The following TMEM101 variants were observed in gnomAD, a reference collection of about 807,000 sequenced individuals.
TMEM101 encodes putative NF-kappa-B-activating protein 130.
Under a neutral mutation model 26.0 loss-of-function variants are expected in TMEM101, and 14 were observed. The observed-to-expected ratio is 0.54, with a 90% CI of 0.36 to 0.84. TMEM101 has a LOEUF of 0.84. Ranked by LOEUF, TMEM101 falls within the 40% of genes least tolerant of loss-of-function variation. The pLI, the probability that TMEM101 is intolerant of heterozygous loss-of-function variation, is 0.01. For synonymous variants in TMEM101, 152 were observed against 145.1 expected (o/e 1.05, Z -0.34); for missense variants, 292 against 345.1 (o/e 0.85, Z 1.22).
upstream of TMEM101, among the ~76,000 whole-genome samples, chr17:44,017,822 C>T (rs2049249384): frequency 6.6e-6 from 1 of 151,854 alleles, no homozygotes; most frequent in Non-Finnish European, 1.5e-5. Flanking sequence ...AACCCCTTTT[C>T]ACATTTCATT....
In TMEM101 at chr17:44,014,449, G is replaced by A; in HGVS notation, c.226C>T (p.Arg76Cys). Residue 76 changes from arginine (R) to cysteine (C), a missense_variant, in exon 2 of 4, where the codon CGC becomes TGC. By Grantham distance (180) the Arg-to-Cys change is radical. Coordinates refer to ENST00000206380, the MANE Select transcript of TMEM101 (RefSeq NM_032376.4). ...AGTGCGGCCCCCAGCGCGAACCAGCGCCGCTTCACGCCAAAGGACATGAAA... is the reference window on the plus strand; with the variant it reads ...AGTGCGGCCCCCAGCGCGAACCAGCACCGCTTCACGCCAAAGGACATGAAA... The part of the protein sequence containing the change: ...ASFMSFGVKR[R>C]WFALGAALQL... The A allele has an allele frequency of 6.4e-7, 1 of 1,558,996 alleles. No individual in the cohort carries two copies. The highest frequency in any genetic ancestry group is 8.7e-7 in the Non-Finnish European group (1 of 1,151,012).
In TMEM101 at chr17:44,013,039, C is replaced by T. The variant is rs770613297; in HGVS notation, c.435G>A (p.Gln145=). The change falls in exon 3 of 4, where the codon CAG becomes CAA. Residue 145 remains glutamine, a synonymous_variant. Transcript: ENST00000206380. ...AGATGAGGTAGATACCCAGGAACAC[C>T]TGGCCGGTGGACTGCAGGGAGCGGC... The part of the protein sequence containing the change: ...PRSRSLQSTG[Q]VFLGIYLICV... 6.2e-7 allele frequency: 1 copy of T among 1,607,168 alleles called. No individual in the cohort carries two copies. The highest frequency in any genetic ancestry group is 2.2e-5 in the East Asian group (1 of 44,730).
At position 44,013,027 on chromosome 17, in the gene TMEM101, AC is replaced by A; in HGVS notation, c.446del (p.Gly149ValfsTer22). ...SLQSTGQVFLGIYLICVAYSL... is the reference protein window; with the variant it reads ...SLQSTGQVFLXIYLICVAYSL... The stretch of plus-strand genomic sequence containing the variant: ...AACATACCACACAGATGAGGTAGAT[AC>A]CCAGGAACACCTGGCCGGTGGACTG... On this transcript the variant is annotated frameshift_variant, in exon 3 of 4. Coordinates refer to ENST00000206380, the MANE Select transcript of TMEM101 (RefSeq NM_032376.4). LOFTEE classifies it high-confidence loss of function. 2 of 1,604,696 alleles carry A rather than the reference AC, an allele frequency of 1.2e-6. No individual in the cohort carries two copies. Among genetic ancestry groups the A allele is most frequent in the Non-Finnish European group, 1.7e-6 (2 of 1,173,022 alleles).
upstream of TMEM101, among the ~76,000 whole-genome samples, chr17:44,016,112 TATAG>T (rs888562733): frequency 4.0e-5 from 6 of 150,832 alleles, no homozygotes; most frequent in East Asian, 1.9e-4. Context: ...GATAGATAGA[TATAG>T]ATACACACGC....
upstream of TMEM101, chr17:44,015,232 T>A: frequency 3.3e-6 from 1 of 304,030 alleles, no homozygotes; most frequent in Non-Finnish European, 6.2e-6. Flanking sequence ...TAGTATGATG[T>A]ATTGAAGCAA....
In TMEM101 at chr17:44,011,837, G is replaced by T; in HGVS notation, c.*91C>A. On this transcript the variant is annotated 3_prime_UTR_variant, in exon 4 of 4. Coordinates refer to ENST00000206380, the MANE Select transcript of TMEM101 (RefSeq NM_032376.4). The stretch of plus-strand genomic sequence containing the variant: ...AAAGATCAAACAAACAGACCAAAAA[G>T]CATAAATAAACAGCAGCTGGGCCAG... 1 of 1,325,784 alleles carries T rather than the reference G, an allele frequency of 7.5e-7. No individual in the cohort carries two copies. Among genetic ancestry groups the T allele is most frequent in the Non-Finnish European group, 1.0e-6 (1 of 968,660 alleles). The allele number at this position is 1,325,784 out of a possible 1,614,324, so 82.1% of individuals were successfully genotyped here.
At chr17:44,014,767 C>A in intron 1 of TMEM101, 49 bp downstream of exon 1, 1 of 1,524,016 alleles carries the variant, frequency 6.6e-7, no homozygotes, top group South Asian at 1.3e-5. Flanking sequence ...AATTTCTTGC[C>A]CACATCACCG....
In TMEM101 at chr17:44,011,724, C is replaced by T; in HGVS notation, c.*204G>A. The T allele has an allele frequency of 1.7e-6, 1 of 601,560 alleles. No homozygotes were observed. The highest frequency in any genetic ancestry group is 2.9e-6 in the Non-Finnish European group (1 of 344,326). 37.3% of individuals were successfully genotyped at this position (601,560 alleles called of 1,614,324 possible). On this transcript the variant is annotated 3_prime_UTR_variant, in exon 4 of 4. Coordinates refer to ENST00000206380, the MANE Select transcript of TMEM101 (RefSeq NM_032376.4). ...GAAAAAAACCTGTACAGCATTAGTG[C>T]CAGGGCTCCTGCCCTCCCAAGCGCT...
At position 44,013,136 on chromosome 17, in the gene TMEM101, G is replaced by C; in HGVS notation, c.338C>G (p.Thr113Arg). The change falls in exon 3 of 4, where the codon ACA (threonine) becomes AGA (arginine). Residue 113 changes from threonine (T) to arginine (R), a missense_variant. By Grantham distance (71) the Thr-to-Arg change is moderately conservative. This residue lies in a region of TMEM101 where 149 missense variants were observed against 211.9 expected (regional missense o/e 0.70). Coordinates refer to ENST00000206380, the MANE Select transcript of TMEM101 (RefSeq NM_032376.4). ...DWLKVRMYSR[T>R]VAIIGGFLVL... ...AAGAAAGCCGCCGATGATGGCAACT[G>C]TGCGCGAGTACATACGGACCTAGGC... is the stretch of plus-strand genomic sequence containing the variant. The C allele has an allele frequency of 6.2e-7, 1 of 1,601,616 alleles. No individual in the cohort carries two copies. Among genetic ancestry groups the C allele is most frequent in the Non-Finnish European group, 8.5e-7 (1 of 1,171,070 alleles).
intron 2 of TMEM101, 79 bp from the exon 3 acceptor site, chr17:44,013,234 C>G: frequency 7.6e-7 from 1 of 1,317,524 alleles, no homozygotes; most frequent in South Asian, 2.0e-5. Flanking sequence ...TAGAACCACC[C>G]CTCTCTACAC....
At position 44,014,874 on chromosome 17, in the gene TMEM101, G is replaced by A; in HGVS notation, c.79C>T (p.Pro27Ser). Residue 27 changes from proline (P) to serine (S), a missense_variant, in exon 1 of 4, where the codon CCC (proline) becomes TCC (serine). Physicochemically the swap from Pro to Ser is moderately conservative, Grantham distance 74 (BLOSUM62 -1). Around this residue, in one of 2 missense-constraint regions of TMEM101, gnomAD observed 143 missense variants for 133.2 expected, o/e 1.07. Transcript: ENST00000206380. ...QLGSVLLTRC[P>S]FWGCFSQLML... ...AGCTGGCTGAAGCAGCCCCAAAAGG[G>A]GCAGCGTGTGAGCAGCACCGAACCC... 1 of 1,613,932 alleles carries A rather than the reference G, an allele frequency of 6.2e-7. No individual in the cohort carries two copies. The highest frequency in any genetic ancestry group is 8.5e-7 in the Non-Finnish European group (1 of 1,179,892).
chr17:44,012,758 T>A lies in TMEM101; in HGVS notation c.465+251A>T, dbSNP rs1407574667. 3.0e-5 allele frequency: 13 copies of A among 433,328 alleles called. No homozygotes were observed. In the Admixed American group the frequency reaches 4.5e-4, roughly 15 times the overall value. The allele number at this position is 433,328 out of a possible 1,614,324, so 26.8% of individuals were successfully genotyped here. Reference sequence around the variant, plus strand: ...ATGAGAGAATCACCCCATCTTGTTCTCCTGGCTCTCAGGGTTGAAATTTAA... The same window carrying A: ...ATGAGAGAATCACCCCATCTTGTTCACCTGGCTCTCAGGGTTGAAATTTAA... On this transcript the variant is annotated intron_variant, in intron 3 of 3. Transcript: ENST00000206380.
upstream of TMEM101, chr17:44,019,090 G>A (rs1597873689): frequency 5.3e-6 from 1 of 187,692 alleles, no homozygotes; most frequent in Admixed American, 6.2e-5. Flanking sequence ...AGTGAGGGGA[G>A]AAGAAAAGGC....
upstream of TMEM101, chr17:44,023,136 C>A: frequency 4.0e-6 from 1 of 251,372 alleles, no homozygotes; most frequent in South Asian, 4.0e-5. Flanking sequence ...TCTCATGAAG[C>A]TTCGGCGCAG....
chr17:44,012,325 T>C, intron 3 of TMEM101, 89 bp from the exon 4 acceptor site: 1 of 1,261,676 alleles, frequency 7.9e-7, no homozygotes, highest in Non-Finnish European at 1.1e-6. Flanking sequence ...TGCAAATGAG[T>C]CCCTGCAGAT....
rs1245617364 is a variant in TMEM101, at chr17:44,014,551, G to C, written c.138-14C>G. 1 of 1,569,062 alleles carries C rather than the reference G, an allele frequency of 6.4e-7. No homozygotes were observed. Among genetic ancestry groups the C allele is most frequent in the Non-Finnish European group, 8.7e-7 (1 of 1,154,604 alleles). On this transcript the variant is annotated splice_polypyrimidine_tract_variant and intron_variant, in intron 1 of 3. Coordinates refer to ENST00000206380, the MANE Select transcript of TMEM101 (RefSeq NM_032376.4). Reference sequence around the variant, plus strand: ...ATGTCGGGCTTCCTGCGAGCCGGGAGTGGGGAAGCAACGAGGACAGAATGA... The same window carrying C: ...ATGTCGGGCTTCCTGCGAGCCGGGACTGGGGAAGCAACGAGGACAGAATGA...
chr17:44,018,581 G>A (rs747483934), upstream of TMEM101, among the ~76,000 whole-genome samples: 18 of 152,234 alleles, frequency 1.2e-4, no homozygotes, highest in African/African-American at 1.7e-4. Flanking sequence ...TCACCTCTCC[G>A]TTTCAAATGG....
upstream of TMEM101, chr17:44,023,155 C>CTAAT (rs940006046): frequency 4.7e-6 from 1 of 211,492 alleles, no homozygotes; most frequent in African/African-American, 2.4e-5. Context: ...AGTCTGGGAC[C>CTAAT]CTAGCTCTTT....
Position 44,011,671 on chromosome 17 carries a change from G to A in TMEM101, c.*257C>T, listed in dbSNP as rs2049159009. ...CCTTCTCAGGGACAGGAGACTCAGT[G>A]GGCAGCTGGCCTCAGCTCTCCTAAC... On this transcript the variant is annotated 3_prime_UTR_variant, in exon 4 of 4. Coordinates refer to ENST00000206380, the MANE Select transcript of TMEM101 (RefSeq NM_032376.4). 2.0e-6 allele frequency: 1 copy of A among 493,414 alleles called. No homozygotes were observed. The highest frequency in any genetic ancestry group is 3.8e-5 in the Admixed American group (1 of 26,358). The allele number at this position is 493,414 out of a possible 1,614,324, so 30.6% of individuals were successfully genotyped here. A position where few individuals can be genotyped will look rare whatever the true frequency, so the allele number is the denominator to read the frequency against.
Sources: gnomAD v4.1 joint callset for allele counts (sites outside exome capture counted in the v4.1 genomes callset) on GRCh38, gnomAD v4.1.1 for gene constraint, gnomAD v4.1.1 regional missense constraint, MANE v1.5 for transcripts, NCBI Gene and HGNC (gene_info 2026-07-23, HGNC 2026-07-21) for gene names.